Variants in ARHGEF16 observed in about 807,000 individuals in gnomAD.
ARHGEF16 encodes Rho guanine exchange factor (GEF) 16.
A neutral mutation model predicts 74.1 loss-of-function variants in ARHGEF16; 59 were observed. That is an observed-to-expected ratio of 0.80 (90% CI 0.65 to 0.99). ARHGEF16 has a LOEUF of 0.99. ARHGEF16 is among the 50% of genes least tolerant of loss of function. The probability of loss-of-function intolerance (pLI) is 0.00; values close to 1 mark genes in which losing one functional copy is unlikely to be tolerated. For synonymous variants in ARHGEF16, 415 were observed against 412.6 expected (o/e 1.01, Z -0.07); for missense variants, 948 against 986.6 (o/e 0.96, Z 0.52).
At chr1:3,477,163 G>A (rs974050201) in intron 10 of ARHGEF16, among the ~76,000 whole-genome samples, 1 of 151,490 alleles carries the variant, frequency 6.6e-6, no homozygotes, top group Admixed American at 6.6e-5. Flanking sequence ...GGCACAGGTG[G>A]GGAAGCCGGG....
chr1:3,466,723 C>A (rs1334428897), intron 3 of ARHGEF16, among the ~76,000 whole-genome samples: 1 of 152,180 alleles, frequency 6.6e-6, no homozygotes, highest in South Asian at 2.1e-4. Context: ...AGATTAGAGG[C>A]AATGAAGCCC....
rs1479753232 is a variant in ARHGEF16, at chr1:3,479,372, G to A, written c.1815-145G>A. On this transcript the variant is annotated intron_variant, in intron 12 of 14. Coordinates refer to ENST00000378378, the MANE Select transcript of ARHGEF16 (RefSeq NM_014448.4). Reference sequence around the variant, plus strand: ...GGGTGACTTGGGGGTTAGCCTGCCTGGCACAGTCTGCCCAGCCACTCCTGC... The same window carrying A: ...GGGTGACTTGGGGGTTAGCCTGCCTAGCACAGTCTGCCCAGCCACTCCTGC... 1.3e-5 allele frequency: 12 copies of A among 889,532 alleles called. 1 individual carries two copies. In the Admixed American group the frequency reaches 2.1e-4, roughly 16 times the overall value. The allele number at this position is 889,532 out of a possible 1,614,324, so 55.1% of individuals were successfully genotyped here.
intron 4 of ARHGEF16, 97 bp downstream of exon 4, chr1:3,467,434 G>C (rs915377889): frequency 8.7e-6 from 12 of 1,381,698 alleles, no homozygotes; most frequent in South Asian, 5.8e-5. Context: ...CTGGTCCCCA[G>C]CAGCAGCCCA....
At chr1:3,480,416 C>T in intron 14 of ARHGEF16, 32 bp from the exon 15 acceptor site, 1 of 1,610,446 alleles carries the variant, frequency 6.2e-7, no homozygotes, top group Admixed American at 1.7e-5. Flanking sequence ...CGGCCTTCCC[C>T]TCACCTCCCT....
At chr1:3,478,335 G>C (rs1379529853) in intron 11 of ARHGEF16, 89 bp from the exon 12 acceptor site, 1 of 1,412,098 alleles carries the variant, frequency 7.1e-7, no homozygotes, top group Non-Finnish European at 9.7e-7. Flanking sequence ...CACCACTGCA[G>C]GGGAGCCGGG....
intron 6 of ARHGEF16, chr1:3,471,608 G>A (rs1454555476): frequency 9.0e-7 from 1 of 1,115,092 alleles, no homozygotes; most frequent in Non-Finnish European, 1.1e-6. Context: ...GGCAGGCTTT[G>A]TGTTCTCTGA....
chr1:3,468,662 G>A (rs74050513), intron 4 of ARHGEF16: 2 of 583,244 alleles, frequency 3.4e-6, no homozygotes, highest in Non-Finnish European at 6.2e-6. Context: ...TGGCGGCTGG[G>A]GGGAGCGGGG....
At chr1:3,461,662 C>T (rs1000904082) in intron 1 of ARHGEF16, among the ~76,000 whole-genome samples, 10 of 152,154 alleles carry the variant, frequency 6.6e-5, no homozygotes, top group African/African-American at 1.4e-4. Flanking sequence ...CCGAGCAATG[C>T]GCCGTCACTC....
chr1:3,469,026 G>C, intron 5 of ARHGEF16, 90 bp downstream of exon 5: 1 of 1,472,242 alleles, frequency 6.8e-7, no homozygotes, highest in Non-Finnish European at 9.3e-7. Context: ...GCACCACCCA[G>C]CCATCCCTCT....
chr1:3,473,720 TG>T (rs771994646), intron 8 of ARHGEF16, 198 bp downstream of exon 8: 436 of 875,576 alleles, frequency 5.0e-4, no homozygotes, highest in Admixed American at 8.3e-4. Flanking sequence ...GAGCTCACTG[TG>T]CCGGGAACTG....
intron 12 of ARHGEF16, among the ~76,000 whole-genome samples, chr1:3,479,100 G>A (rs1639981529): frequency 6.6e-6 from 1 of 152,200 alleles, no homozygotes; most frequent in Admixed American, 6.5e-5. Context: ...GGGCACTGAT[G>A]GAGTCTCTGC....
intron 6 of ARHGEF16, 115 bp from the exon 7 acceptor site, chr1:3,472,963 G>C (rs565727362): frequency 9.3e-7 from 1 of 1,071,290 alleles, no homozygotes; most frequent in Admixed American, 3.1e-5. Flanking sequence ...GCTGAGCTCA[G>C]CTCCTGCCAC....
intron 1 of ARHGEF16, among the ~76,000 whole-genome samples, chr1:3,461,732 C>T (rs1639400432): frequency 2.0e-5 from 3 of 152,188 alleles, no homozygotes; most frequent in Non-Finnish European, 4.4e-5. Flanking sequence ...CCTCTGGGCC[C>T]GGCTCCTGGA....
intron 4 of ARHGEF16, chr1:3,468,661 G>A: frequency 1.7e-6 from 1 of 581,714 alleles, no homozygotes; most frequent in South Asian, 2.0e-5. Flanking sequence ...CTGGCGGCTG[G>A]GGGGAGCGGG....
At chr1:3,474,036 C>G (rs538639460) in intron 8 of ARHGEF16, 1 of 198,542 alleles carries the variant, frequency 5.0e-6, no homozygotes, top group African/African-American at 2.3e-5. Context: ...ACAGTGTACA[C>G]GCACTCAGGC....
Position 3,463,664 on chromosome 1 carries a change from AAAAAC to A in ARHGEF16, c.583_587del (p.Asn195GlufsTer35). ...CCAGCCTCATACTCGGAGCCCGGCC[AAAAAC>A]AAGGTAGGGGCCTGCTCGTGTGGAC... On this transcript the variant is annotated frameshift_variant, in exon 2 of 15. Coordinates refer to ENST00000378378, the MANE Select transcript of ARHGEF16 (RefSeq NM_014448.4). LOFTEE classifies it high-confidence loss of function. The A allele has an allele frequency of 7.1e-7, 1 of 1,411,960 alleles. No homozygotes were observed. The highest frequency in any genetic ancestry group is 9.3e-7 in the Non-Finnish European group (1 of 1,077,020). 87.5% of individuals were successfully genotyped at this position (1,411,960 alleles called of 1,614,324 possible).
intron 2 of ARHGEF16, among the ~76,000 whole-genome samples, 199 bp downstream of exon 2, chr1:3,463,871 A>G (rs943481123): frequency 5.3e-5 from 8 of 152,254 alleles, no homozygotes; most frequent in Admixed American, 4.6e-4. Flanking sequence ...GAGGCAGCAG[A>G]GGCTCGGAAA....
intron 14 of ARHGEF16, 48 bp from the exon 15 acceptor site, chr1:3,480,400 G>GACCC: frequency 1.2e-6 from 2 of 1,606,238 alleles, no homozygotes; most frequent in Non-Finnish European, 1.7e-6. Context: ...GGGGCCGGGG[G>GACCC]ACCCACGGCC....
intron 1 of ARHGEF16, among the ~76,000 whole-genome samples, chr1:3,458,120 C>A (rs563556888): frequency 6.6e-6 from 1 of 152,194 alleles, no homozygotes; most frequent in Non-Finnish European, 1.5e-5. Flanking sequence ...GGGCAGAGCA[C>A]GTGCCGAGGC....
Sources: gnomAD v4.1 joint callset for allele counts (sites outside exome capture counted in the v4.1 genomes callset) on GRCh38, gnomAD v4.1.1 for gene constraint, MANE v1.5 for transcripts, NCBI Gene and HGNC (gene_info 2026-07-23, HGNC 2026-07-21) for gene names.